The following ARHGAP6 variants were observed in gnomAD, a reference collection of about 807,000 sequenced individuals.
ARHGAP6 encodes Rho GTPase activating protein 6.
In ARHGAP6, 16 loss-of-function variants were observed where a neutral mutation model predicts 55.7. The observed-to-expected ratio is 0.29, with a 90% CI of 0.19 to 0.44. ARHGAP6 has a LOEUF of 0.44. ARHGAP6 is among the 20% of genes least tolerant of loss of function. The pLI, the probability that ARHGAP6 is intolerant of heterozygous loss-of-function variation, is 1.00. For missense variants in ARHGAP6, 698 were observed against 808.9 expected, an observed-to-expected ratio of 0.86 and a Z score of 1.66; for synonymous variants, 382 against 360.9, an observed-to-expected ratio of 1.06 and a Z score of -0.66.
chrX:11,392,710 A>G (rs762061132), intron 1 of ARHGAP6, among the ~76,000 whole-genome samples: 322 of 112,041 alleles, frequency 2.9e-3, no homozygotes, highest in African/African-American at 0.01. Context: ...AAAGAGCACA[A>G]AATCACAGAA....
At chrX:11,454,110 ATTTT>A (rs1187605203) in intron 1 of ARHGAP6, among the ~76,000 whole-genome samples, 1,394 of 76,727 alleles carry the variant, frequency 0.018, 6 homozygotes, top group Middle Eastern at 0.065. Context: ...CGCACGGCTA[ATTTT>A]TTTTTTTTTT....
intron 1 of ARHGAP6, among the ~76,000 whole-genome samples, chrX:11,650,052 T>TG (rs1160788579): frequency 2.9e-5 from 3 of 103,886 alleles, no homozygotes; most frequent in Non-Finnish European, 5.9e-5. Context: ...TGGAGTGCAA[T>TG]GGCACGATCA....
chrX:11,187,233 C>A (rs1437036290), intron 4 of ARHGAP6, among the ~76,000 whole-genome samples: 1 of 111,270 alleles, frequency 9.0e-6, no homozygotes, highest in African/African-American at 3.3e-5. Context: ...TCAGAGAAAG[C>A]CCTCAGCAAA....
intron 1 of ARHGAP6, among the ~76,000 whole-genome samples, chrX:11,550,126 A>T (rs954887779): frequency 8.9e-6 from 1 of 112,107 alleles, no homozygotes; most frequent in Non-Finnish European, 1.9e-5. Context: ...GGACTTCAAT[A>T]TGCAGAGAAA....
chrX:11,234,571 T>C (rs1187784107), intron 2 of ARHGAP6, among the ~76,000 whole-genome samples: 1 of 112,546 alleles, frequency 8.9e-6, no homozygotes, highest in Non-Finnish European at 1.9e-5. Flanking sequence ...TATATGCTTG[T>C]TCTTTACCTC....
intron 1 of ARHGAP6, among the ~76,000 whole-genome samples, chrX:11,482,331 C>T (rs868758509): frequency 6.3e-5 from 7 of 111,991 alleles, no homozygotes; most frequent in African/African-American, 1.3e-4. Flanking sequence ...TGACAGCTGG[C>T]GTACCCCCAG....
chrX:11,236,666 C>T (rs762659918), intron 2 of ARHGAP6, among the ~76,000 whole-genome samples: 1 of 112,161 alleles, frequency 8.9e-6, no homozygotes, highest in East Asian at 2.8e-4. Flanking sequence ...ATACCTAATA[C>T]GTGTCAACAC....
At chrX:11,406,128 C>T (rs1431681047) in intron 1 of ARHGAP6, among the ~76,000 whole-genome samples, 1 of 110,969 alleles carries the variant, frequency 9.0e-6, no homozygotes, top group Non-Finnish European at 1.9e-5. Flanking sequence ...GTCTCTAACT[C>T]CTGGGCTTAA....
intron 1 of ARHGAP6, among the ~76,000 whole-genome samples, chrX:11,502,885 AT>A (rs1442031088): frequency 1.8e-5 from 2 of 110,259 alleles, no homozygotes; most frequent in Non-Finnish European, 3.8e-5. Context: ...TTATATGCAG[AT>A]TTTCTTTTTT....
intron 2 of ARHGAP6, among the ~76,000 whole-genome samples, chrX:11,234,505 T>C (rs2047173447): frequency 8.9e-6 from 1 of 112,894 alleles, no homozygotes; most frequent in Non-Finnish European, 1.9e-5. Context: ...AATGAATGAA[T>C]GTATGAATGA....
intron 1 of ARHGAP6, among the ~76,000 whole-genome samples, chrX:11,331,848 G>C (rs1352923552): frequency 2.7e-5 from 3 of 111,995 alleles, no homozygotes; most frequent in Non-Finnish European, 5.6e-5. Flanking sequence ...TCATGGGTAA[G>C]ATAACTGATA....
chrX:11,557,499 T>A (rs1442569420), intron 1 of ARHGAP6, among the ~76,000 whole-genome samples: 1 of 108,660 alleles, frequency 9.2e-6, no homozygotes. Flanking sequence ...AAAAAAATTA[T>A]GAAGAAAAAG....
intron 1 of ARHGAP6, among the ~76,000 whole-genome samples, chrX:11,338,116 A>G (rs1247852414): frequency 1.8e-5 from 2 of 111,003 alleles, no homozygotes; most frequent in African/African-American, 6.6e-5. Context: ...TGTAACCCAG[A>G]CATCTCCCAC....
chrX:11,204,463 T>C (rs186562010), intron 2 of ARHGAP6, among the ~76,000 whole-genome samples: 2 of 111,748 alleles, frequency 1.8e-5, no homozygotes, highest in Admixed American at 1.9e-4. Context: ...CAGCACAGAG[T>C]AGATGCTCAA....
At chrX:11,435,757 G>A (rs925077673) in intron 1 of ARHGAP6, among the ~76,000 whole-genome samples, 1 of 111,826 alleles carries the variant, frequency 8.9e-6, no homozygotes, top group African/African-American at 3.3e-5. Context: ...AATGTTAAAA[G>A]AAGGTGGAAA....
chrX:11,495,891 C>T (rs1476193797), intron 1 of ARHGAP6, among the ~76,000 whole-genome samples: 1 of 112,741 alleles, frequency 8.9e-6, no homozygotes, highest in Non-Finnish European at 1.9e-5. Flanking sequence ...ATAAAGTAAG[C>T]TGCCATATTG....
In ARHGAP6 at chrX:11,234,186, C is replaced by T. The variant is rs142338714; in HGVS notation, c.748+20362G>A. 3.0e-3 allele frequency among the ~76,000 whole-genome samples: 337 copies of T among 112,296 alleles called. 2 individuals are homozygous for T. The highest frequency in any genetic ancestry group is 0.01 in the African/African-American group (319 of 30,953). ...AGCTTGTAGTTCTGAGTTTCACAAA[C>T]GTGATTTAGTTGTTTTTCTGTAGGA... On this transcript the variant is annotated intron_variant, in intron 2 of 12. Coordinates refer to ENST00000337414, the MANE Select transcript of ARHGAP6 (RefSeq NM_013427.3).
At chrX:11,624,725 G>A (rs2052274228) in intron 1 of ARHGAP6, among the ~76,000 whole-genome samples, 1 of 111,541 alleles carries the variant, frequency 9.0e-6, no homozygotes, top group South Asian at 3.8e-4. Flanking sequence ...CTAATTTTTT[G>A]TATTTTTAGT....
intron 9 of ARHGAP6, 197 bp downstream of exon 9, chrX:11,169,308 G>C (rs988186228): frequency 1.9e-5 from 6 of 314,176 alleles, no homozygotes; most frequent in Admixed American, 1.8e-4. Flanking sequence ...TGGCATGTTT[G>C]TTTAAACATG....
Sources: allele counts gnomAD v4.1 joint callset (sites outside exome capture counted in the v4.1 genomes callset), GRCh38; gene constraint gnomAD v4.1.1; transcripts MANE v1.5; gene names NCBI Gene and HGNC (gene_info 2026-07-23, HGNC 2026-07-21).